Variants in ANKRD12 observed in about 807,000 individuals in gnomAD.
The protein encoded by ANKRD12 is ankyrin repeat domain 12, also known as ankyrin repeat domain-containing protein 12.
ANKRD12 carries 85 observed loss-of-function variants against 183.4 expected under a neutral mutation model. That is an observed-to-expected ratio of 0.46 (90% CI 0.39 to 0.56). The LOEUF is 0.56. Ranked by LOEUF, ANKRD12 falls within the 20% of genes least tolerant of loss-of-function variation. The pLI, the probability that ANKRD12 is intolerant of heterozygous loss-of-function variation, is 0.00. For synonymous variants in ANKRD12, 914 were observed against 800.2 expected (o/e 1.14, Z -2.40); for missense variants, 2,405 against 2,357.1 (o/e 1.02, Z -0.42).
intron 1 of ANKRD12, among the ~76,000 whole-genome samples, chr18:9,147,724 TTTCACTG>T (rs1452173386): frequency 6.6e-6 from 1 of 152,182 alleles, no homozygotes; most frequent in Non-Finnish European, 1.5e-5. Flanking sequence ...AACTTCAACA[TTTCACTG>T]TATGCAGAAC....
At chr18:9,197,264 A>ATATACAC (rs2034887876) in intron 3 of ANKRD12, among the ~76,000 whole-genome samples, 1 of 152,206 alleles carries the variant, frequency 6.6e-6, no homozygotes, top group African/African-American at 2.4e-5. Context: ...AAATTGGGTT[A>ATATACAC]TATACACTTT....
chr18:9,282,390 A>T lies in ANKRD12; in HGVS notation c.*1264A>T, dbSNP rs536819160. Reference sequence around the variant, plus strand: ...GTTGTATTTTTTTCCTTGTATCAAGATGCAAAACATAATTTGCAAAATTTT... The same window carrying T: ...GTTGTATTTTTTTCCTTGTATCAAGTTGCAAAACATAATTTGCAAAATTTT... On this transcript the variant is annotated 3_prime_UTR_variant, in exon 13 of 13. Coordinates refer to ENST00000262126, the MANE Select transcript of ANKRD12 (RefSeq NM_015208.5). The T allele has an allele frequency of 6.5e-6, 1 of 152,690 alleles. No individual in the cohort carries two copies. The highest frequency in any genetic ancestry group is 6.5e-5 in the Admixed American group (1 of 15,286). 9.5% of individuals were successfully genotyped at this position (152,690 alleles called of 1,614,324 possible).
chr18:9,261,731 C>T (rs887617157), intron 9 of ANKRD12, among the ~76,000 whole-genome samples: 1 of 152,178 alleles, frequency 6.6e-6, no homozygotes, highest in African/African-American at 2.4e-5. Context: ...ATGCCATCCT[C>T]TTTTGGGAAT....
chr18:9,172,769 GTGT>G (rs777229319), intron 1 of ANKRD12, among the ~76,000 whole-genome samples: 3 of 152,162 alleles, frequency 2.0e-5, no homozygotes, highest in Non-Finnish European at 2.9e-5. Flanking sequence ...TGCTGAAGAG[GTGT>G]TGTGGTAATT....
At chr18:9,261,190 T>C (rs895046697) in intron 9 of ANKRD12, among the ~76,000 whole-genome samples, 1 of 152,246 alleles carries the variant, frequency 6.6e-6, no homozygotes, top group African/African-American at 2.4e-5. Context: ...AGCAGCAAGC[T>C]GTCAGACCTT....
At chr18:9,203,583 A>ATGTG (rs35436449) in intron 3 of ANKRD12, among the ~76,000 whole-genome samples, 7 of 151,660 alleles carry the variant, frequency 4.6e-5, no homozygotes, top group Non-Finnish European at 7.4e-5. Flanking sequence ...ATATATATAT[A>ATGTG]TGTGTGTGTG....
rs974272784 is a variant in ANKRD12, at chr18:9,275,505, T to A, written c.5764-19T>A. The A allele has an allele frequency of 3.6e-5, 57 of 1,591,672 alleles. No homozygotes were observed. The African/African-American group carries it at 3.8e-4, about 11-fold the overall frequency. On this transcript the variant is annotated intron_variant, in intron 10 of 12. Transcript: ENST00000262126. ...ATTTGTTGAAGAATTTATTTTTTTT[T>A]AATTCTTTATTCAACTAGGAAAAAC... is the stretch of plus-strand genomic sequence containing the variant.
chr18:9,255,281 G>A lies in ANKRD12; in HGVS notation c.2014G>A (p.Glu672Lys). 6.4e-7 allele frequency: 1 copy of A among 1,573,930 alleles called. No individual in the cohort carries two copies. Among genetic ancestry groups the A allele is most frequent in the Non-Finnish European group, 8.6e-7 (1 of 1,168,428 alleles). ...KEKHKKEIEG[E>K]KEKYKTKDSA... ...AAAGCATAAAAAAGAAATTGAAGGT[G>A]AAAAGGAAAAATACAAAACTAAGGA... Residue 672 changes from glutamate to lysine, a missense_variant, in exon 9 of 13, where the codon GAA becomes AAA. Around this residue, in one of 7 missense-constraint regions of ANKRD12, gnomAD observed 1,983 missense variants for 1,725.9 expected, o/e 1.15. Transcript: ENST00000262126.
chr18:9,199,516 G>T (rs980358967), intron 3 of ANKRD12, among the ~76,000 whole-genome samples: 1 of 152,070 alleles, frequency 6.6e-6, no homozygotes, highest in African/African-American at 2.4e-5. Flanking sequence ...AAACCTTGAC[G>T]TAAGGAAATA....
intron 2 of ANKRD12, among the ~76,000 whole-genome samples, chr18:9,194,902 A>G (rs1037197034): frequency 6.6e-6 from 1 of 152,182 alleles, no homozygotes; most frequent in Admixed American, 6.5e-5. Context: ...TTGCAGCACT[A>G]CTCACAGTAG....
intron 1 of ANKRD12, among the ~76,000 whole-genome samples, chr18:9,157,559 GT>G (rs2030723040): frequency 9.3e-6 from 1 of 107,070 alleles, no homozygotes; most frequent in Admixed American, 9.1e-5. Flanking sequence ...GGGTGTGTGT[GT>G]GTGTGTGTGT....
chr18:9,231,824 CAAAA>C (rs60799678), intron 8 of ANKRD12, among the ~76,000 whole-genome samples: 2 of 102,440 alleles, frequency 2.0e-5, no homozygotes. Context: ...GACTCTGTCT[CAAAA>C]AAAAAAAAAA....
chr18:9,151,894 T>G (rs2078697355), intron 1 of ANKRD12, among the ~76,000 whole-genome samples: 1 of 152,160 alleles, frequency 6.6e-6, no homozygotes, highest in Non-Finnish European at 1.5e-5. Context: ...TTATTGAACT[T>G]TATCATTTCA....
At chr18:9,176,649 A>T (rs1308869090) in intron 1 of ANKRD12, among the ~76,000 whole-genome samples, 1 of 152,184 alleles carries the variant, frequency 6.6e-6, no homozygotes, top group East Asian at 1.9e-4. Flanking sequence ...AGGCATCTGT[A>T]CATCTTCTTT....
chr18:9,181,515 G>T (rs2033699164), intron 1 of ANKRD12, among the ~76,000 whole-genome samples: 1 of 152,156 alleles, frequency 6.6e-6, no homozygotes, highest in Admixed American at 6.5e-5. Flanking sequence ...ACTCCCCTTG[G>T]CCAGCAGCCT....
At chr18:9,232,608 T>C (rs1404805586) in intron 8 of ANKRD12, among the ~76,000 whole-genome samples, 1 of 152,188 alleles carries the variant, frequency 6.6e-6, no homozygotes, top group East Asian at 1.9e-4. Flanking sequence ...GAAACCTTTT[T>C]GCATTGGGGA....
At chr18:9,231,461 C>T (rs545319279) in intron 8 of ANKRD12, among the ~76,000 whole-genome samples, 2 of 152,060 alleles carry the variant, frequency 1.3e-5, no homozygotes, top group East Asian at 3.9e-4. Context: ...GTTATATTCT[C>T]TTGCTGTAAT....
intron 6 of ANKRD12, among the ~76,000 whole-genome samples, chr18:9,212,367 A>G (rs2035852716): frequency 6.6e-6 from 1 of 151,964 alleles, no homozygotes; most frequent in Admixed American, 6.6e-5. Flanking sequence ...TTTTTATTAT[A>G]TATGTATAAA....
At chr18:9,225,737 C>T (rs1015117656) in intron 8 of ANKRD12, among the ~76,000 whole-genome samples, 2 of 152,164 alleles carry the variant, frequency 1.3e-5, no homozygotes, top group Non-Finnish European at 2.9e-5. Context: ...TCCCAAATTA[C>T]CCACTTACAA....
Sources: allele counts gnomAD v4.1 joint callset (sites outside exome capture counted in the v4.1 genomes callset), GRCh38; gene constraint gnomAD v4.1.1; regional missense constraint gnomAD v4.1.1; transcripts MANE v1.5; gene names NCBI Gene and HGNC (gene_info 2026-07-23, HGNC 2026-07-21).